EVC2: variants seen among roughly 807,000 people sequenced by gnomAD.
EVC2 encodes EvC ciliary complex subunit 2, also known as limbin.
Under a neutral mutation model 149.3 loss-of-function variants are expected in EVC2, and 148 were observed. The ratio of observed to expected loss-of-function variants is 0.99; its 90% CI spans 0.87 to 1.14. The LOEUF is 1.14. EVC2 is among the 50% of genes most tolerant of loss of function. EVC2 has a pLI of 0.00. For missense variants in EVC2, 1,854 were observed against 1,627.3 expected (o/e 1.14, Z -2.40); for synonymous variants, 776 against 649.9 (o/e 1.19, Z -2.95).
intron 9 of EVC2, among the ~76,000 whole-genome samples, chr4:5,647,113 GA>G (rs1717778691): frequency 6.6e-6 from 1 of 152,168 alleles, no homozygotes; most frequent in Non-Finnish European, 1.5e-5. Context: ...CACCTGGGAG[GA>G]AAATGCCCCC....
At chr4:5,650,638 T>TATATATAGAGAGAGAGAG (rs1162935817) in intron 9 of EVC2, among the ~76,000 whole-genome samples, 3 of 45,088 alleles carry the variant, frequency 6.7e-5, no homozygotes, top group Non-Finnish European at 1.2e-4. Flanking sequence ...TATATATATA[T>TATATATAGAGAGAGAGAG]AGAGAGAGAG....
In EVC2 at chr4:5,562,934, G is replaced by A. The variant is rs765051130; in HGVS notation, c.3841C>T (p.Pro1281Ser). ...GGAGGAACGTGCAGTGAGATCTCTG[G>A]CTCCTTTGGATTTCTGAATATAAAG... is the stretch of plus-strand genomic sequence containing the variant. ...KLFIFRNPKE[P>S]EISLHVPPRK... The change falls in exon 22 of 22, where the codon CCA (proline) becomes TCA (serine). Residue 1281 changes from proline to serine, a missense_variant. By Grantham distance (74) the Pro-to-Ser change is moderately conservative. Coordinates refer to ENST00000344408, the MANE Select transcript of EVC2 (RefSeq NM_147127.5). The surrounding 1 kb of genome is among the most constrained non-coding windows in gnomAD (Gnocchi z 4.3). 3 of 1,614,056 alleles carry A rather than the reference G, an allele frequency of 1.9e-6. No homozygotes were observed.
In EVC2 at chr4:5,689,325, C is replaced by T; in HGVS notation, c.538G>A (p.Ala180Thr). The change falls in exon 5 of 22, where the codon GCA (alanine) becomes ACA (threonine). Residue 180 changes from alanine (A) to threonine (T), a missense_variant. Physicochemically the swap from Ala to Thr is moderately conservative, Grantham distance 58. Coordinates refer to ENST00000344408, the MANE Select transcript of EVC2 (RefSeq NM_147127.5). ...KCALVSGSSE[A>T]QTARIWLLVN... ...AGCAGCCATATGCGGGCTGTCTGTG[C>T]TTCACTCGACCCAGACACCTAGGGC... 2 of 1,614,108 alleles carry T rather than the reference C, an allele frequency of 1.2e-6. No individual in the cohort carries two copies. The highest frequency in any genetic ancestry group is 1.7e-6 in the Non-Finnish European group (2 of 1,180,040).
At chr4:5,675,761 A>G (rs960433697) in intron 7 of EVC2, among the ~76,000 whole-genome samples, 2 of 152,088 alleles carry the variant, frequency 1.3e-5, no homozygotes, top group Non-Finnish European at 2.9e-5. Context: ...CCTGACCAAC[A>G]TGGTGAAACT....
At chr4:5,551,055 G>A (rs112763166) in intron 21 of EVC2, among the ~76,000 whole-genome samples, 2,638 of 152,338 alleles carry the variant, frequency 0.017, 64 homozygotes, top group African/African-American at 0.059. Context: ...CAGGGGTGGG[G>A]CCCTCATGGA....
At chr4:5,645,722 T>C (rs1442491945) in intron 9 of EVC2, among the ~76,000 whole-genome samples, 1 of 152,246 alleles carries the variant, frequency 6.6e-6, no homozygotes, top group Non-Finnish European at 1.5e-5. Context: ...GCAATAAATA[T>C]ACATGTGTAT....
intron 4 of EVC2, among the ~76,000 whole-genome samples, chr4:5,689,775 C>T (rs922736173): frequency 2.6e-5 from 4 of 152,190 alleles, no homozygotes; most frequent in East Asian, 1.9e-4. Context: ...CCGAGCTGCT[C>T]GTCCGCCTCT....
At chr4:5,635,252 G>A (rs1188670035) in intron 10 of EVC2, among the ~76,000 whole-genome samples, 2 of 151,816 alleles carry the variant, frequency 1.3e-5, no homozygotes, top group Non-Finnish European at 2.9e-5. Flanking sequence ...GGCCAGGCTG[G>A]TCTCAAACAC....
Position 5,622,401 on chromosome 4 carries a change from G to A in EVC2, c.2501+136C>T, listed in dbSNP as rs370156686. On this transcript the variant is annotated intron_variant, in intron 14 of 21. Coordinates refer to ENST00000344408, the MANE Select transcript of EVC2 (RefSeq NM_147127.5). This position sits in a 1 kb window ranked among gnomAD's most constrained non-coding sequence, Gnocchi z 5.8. Reference sequence around the variant, plus strand: ...TCCCCCCGGGGCGTTGAGTTTATATGACTAATTAACGCTGGTAATCTCATC... The same window carrying A: ...TCCCCCCGGGGCGTTGAGTTTATATAACTAATTAACGCTGGTAATCTCATC... 9 of 1,023,214 alleles carry A rather than the reference G, an allele frequency of 8.8e-6. No homozygotes were observed. The African/African-American group carries it at 1.3e-4, about 14-fold the overall frequency. The allele number at this position is 1,023,214 out of a possible 1,614,324, so 63.4% of individuals were successfully genotyped here. A position where few individuals can be genotyped will look rare whatever the true frequency, so the allele number is the denominator to read the frequency against.
At chr4:5,577,508 A>T (rs754363889) in intron 17 of EVC2, among the ~76,000 whole-genome samples, 10 of 152,156 alleles carry the variant, frequency 6.6e-5, no homozygotes. Flanking sequence ...GTTGGACTTC[A>T]CCATGAGAGG....
intron 16 of EVC2, among the ~76,000 whole-genome samples, chr4:5,600,369 A>C (rs1330303257): frequency 1.3e-5 from 2 of 152,230 alleles, no homozygotes; most frequent in East Asian, 3.8e-4. Flanking sequence ...AAAACAGATA[A>C]AAATAATGGT....
intron 9 of EVC2, among the ~76,000 whole-genome samples, chr4:5,661,465 A>C (rs1718869302): frequency 6.6e-6 from 1 of 152,246 alleles, no homozygotes; most frequent in African/African-American, 2.4e-5. Flanking sequence ...ATATGAGACA[A>C]GAAAATATGA....
chr4:5,699,640 T>C lies in EVC2; in HGVS notation c.229-1993A>G, dbSNP rs1397414121. 6.5e-5 allele frequency among the ~76,000 whole-genome samples: 3 copies of C among 46,224 alleles called. No individual in the cohort carries two copies. The East Asian group carries it at 1.4e-3, about 21-fold the overall frequency. The allele number at this position is 46,224 out of a possible 152,430, so 30.3% of individuals were successfully genotyped here. A position where few individuals can be genotyped will look rare whatever the true frequency, so the allele number is the denominator to read the frequency against. On this transcript the variant is annotated intron_variant, in intron 1 of 21. Transcript: ENST00000344408. The stretch of plus-strand genomic sequence containing the variant: ...GGACAACATAGGGAGACTCCATCTC[T>C]ACAAAAAAAAAAAAAAAAGAAAAAA...
chr4:5,538,162 T>C (rs1299579986), downstream of EVC2, among the ~76,000 whole-genome samples: 1 of 151,500 alleles, frequency 6.6e-6, no homozygotes, highest in Non-Finnish European at 1.5e-5. Context: ...GGTATCACTA[T>C]AGATTCCACA....
At chr4:5,598,413 C>T (rs1204648251) in intron 16 of EVC2, among the ~76,000 whole-genome samples, 3 of 151,084 alleles carry the variant, frequency 2.0e-5, no homozygotes, top group African/African-American at 4.8e-5. Context: ...GAAATAATGC[C>T]GCATATCTAC....
chr4:5,673,682 T>A lies in EVC2; in HGVS notation c.870+7578A>T, dbSNP rs530971501. Among the ~76,000 whole-genome samples the A allele has an allele frequency of 3.9e-5, 6 of 152,360 alleles. No individual in the cohort carries two copies. The East Asian group carries it at 1.2e-3, about 29-fold the overall frequency. On this transcript the variant is annotated intron_variant, in intron 7 of 21. Transcript: ENST00000344408. ...GCCTTTGATGCATTCTGTCACTGCA[T>A]TTATGAAGAGCGATGCTGGATAAAC...
intron 21 of EVC2, among the ~76,000 whole-genome samples, chr4:5,547,231 C>A (rs533439717): frequency 1.3e-5 from 2 of 152,264 alleles, no homozygotes; most frequent in African/African-American, 2.4e-5. Flanking sequence ...GCCAGCCCCC[C>A]ACTGCCTCAG....
At position 5,708,273 on chromosome 4, in the gene EVC2, G is replaced by A. The variant is rs550181817; in HGVS notation, c.228+13C>T. 1 of 1,474,954 alleles carries A rather than the reference G, an allele frequency of 6.8e-7. No individual in the cohort carries two copies. Among genetic ancestry groups the A allele is most frequent in the Non-Finnish European group, 8.9e-7 (1 of 1,118,736 alleles). The allele number at this position is 1,474,954 out of a possible 1,614,324, so 91.4% of individuals were successfully genotyped here. A position where few individuals can be genotyped will look rare whatever the true frequency, so the allele number is the denominator to read the frequency against. Reference sequence around the variant, plus strand: ...TACAGTCAGACCGGAGCCTGGGGTCGGGCCCTCCTTACCTGCGTGCTGCTC... The same window carrying A: ...TACAGTCAGACCGGAGCCTGGGGTCAGGCCCTCCTTACCTGCGTGCTGCTC... On this transcript the variant is annotated intron_variant, in intron 1 of 21. Coordinates refer to ENST00000344408, the MANE Select transcript of EVC2 (RefSeq NM_147127.5).
intron 21 of EVC2, among the ~76,000 whole-genome samples, chr4:5,563,914 A>C (rs530178769): frequency 1.3e-5 from 2 of 152,230 alleles, no homozygotes; most frequent in East Asian, 3.9e-4. Flanking sequence ...AGAATGTCCC[A>C]TAAAAAAGCT....
Sources: allele counts gnomAD v4.1 joint callset (sites outside exome capture counted in the v4.1 genomes callset), GRCh38; gene constraint gnomAD v4.1.1; non-coding constraint Gnocchi (gnomAD v3.1); transcripts MANE v1.5; gene names NCBI Gene and HGNC (gene_info 2026-07-23, HGNC 2026-07-21).